ZFP64: variants seen among roughly 807,000 people sequenced by gnomAD.
The protein encoded by ZFP64 is ZFP64 zinc finger protein, also known as zinc finger protein 64.
ZFP64 carries 14 observed loss-of-function variants against 51.6 expected under a neutral mutation model. The observed-to-expected ratio is 0.27, with a 90% CI of 0.18 to 0.42. The LOEUF (loss-of-function observed/expected upper bound fraction) is 0.42. ZFP64 is among the 10% of genes least tolerant of loss of function. The pLI, the probability that ZFP64 is intolerant of heterozygous loss-of-function variation, is 1.00. For missense variants in ZFP64, 754 were observed against 906.8 expected, an observed-to-expected ratio of 0.83 and a Z score of 2.16; for synonymous variants, 375 against 361.4, an observed-to-expected ratio of 1.04 and a Z score of -0.43.
intron 5 of ZFP64, among the ~76,000 whole-genome samples, chr20:52,101,589 A>G (rs6013390): frequency 0.75 from 113,226 of 150,612 alleles, 42,546 homozygotes; most frequent in African/African-American, 0.8. Context: ...TTTTGTTTTT[A>G]TAGAGACAGG....
intron 5 of ZFP64, chr20:52,105,029 G>T: frequency 1.5e-6 from 2 of 1,318,126 alleles, no homozygotes; most frequent in Non-Finnish European, 2.0e-6. Context: ...CGCTTCGCCC[G>T]CCCTTTCAGG....
At chr20:52,098,078 CAGG>C (rs764512375) in intron 6 of ZFP64, among the ~76,000 whole-genome samples, 25 of 147,360 alleles carry the variant, frequency 1.7e-4, no homozygotes, top group Non-Finnish European at 3.1e-4. Flanking sequence ...GATGCTGAGG[CAGG>C]AGAATTGCTA....
At chr20:52,134,045 A>G (rs1979852959) in intron 5 of ZFP64, among the ~76,000 whole-genome samples, 1 of 151,610 alleles carries the variant, frequency 6.6e-6, no homozygotes, top group Non-Finnish European at 1.5e-5. Flanking sequence ...AAAAAAAAAA[A>G]AAAAAAAGGA....
At chr20:52,150,161 C>G (rs929197120), downstream of ZFP64, among the ~76,000 whole-genome samples, 1 of 149,430 alleles carries the variant, frequency 6.7e-6, no homozygotes, top group Non-Finnish European at 1.5e-5. Flanking sequence ...GCTGAGATTG[C>G]GCCACTGCAC....
chr20:52,090,056 G>T (rs963448292), intron 7 of ZFP64, among the ~76,000 whole-genome samples: 3 of 152,134 alleles, frequency 2.0e-5, no homozygotes, highest in Admixed American at 2.0e-4. Flanking sequence ...GGGAAAAGAC[G>T]CCAAAAGGTA....
intron 2 of ZFP64, among the ~76,000 whole-genome samples, chr20:52,166,749 T>C (rs1982310316): frequency 6.6e-6 from 1 of 152,156 alleles, no homozygotes; most frequent in South Asian, 2.1e-4. Context: ...CCTAGACTTC[T>C]TAAATAAACA....
intron 7 of ZFP64, chr20:52,097,263 A>G: frequency 7.7e-7 from 1 of 1,295,940 alleles, no homozygotes; most frequent in Non-Finnish European, 1.1e-6. Context: ...ACTGAGTTTC[A>G]TGAGGCAGAT....
In ZFP64 at chr20:52,084,602, G is replaced by A. The variant is rs201198421; in HGVS notation, c.1893C>T (p.Ser631=). The A allele has an allele frequency of 1.9e-4, 312 of 1,614,066 alleles. 2 individuals carry two copies. Among genetic ancestry groups the A allele is most frequent in the Non-Finnish European group, 8.5e-7 (1 of 1,180,030 alleles). The change falls in exon 9 of 9, where the codon TCC becomes TCT. Residue 631 remains serine (S), a synonymous_variant. Coordinates refer to the ZFP64 transcript ENST00000361387. ...CTAGGGGAGCCTCGAGCTGCCCCAC[G>A]GAGACCAGGGTGCTGAGCTGTCCCG...
intron 2 of ZFP64, chr20:52,175,846 CCCCGCACCCCCGCTGCCG>C: frequency 6.2e-6 from 1 of 160,198 alleles, no homozygotes; most frequent in Non-Finnish European, 1.3e-5. Context: ...GTTCCCTTCC[CCCCGCACCCCCGCTGCCG>C]CCCCCGCCCC....
chr20:52,187,882 G>A (rs1355005939), intron 1 of ZFP64, among the ~76,000 whole-genome samples: 2 of 152,076 alleles, frequency 1.3e-5, no homozygotes, highest in South Asian at 4.1e-4. Flanking sequence ...CAACTAAAAG[G>A]TAATTGTGAA....
chr20:52,140,150 T>C (rs956523847), intron 5 of ZFP64, among the ~76,000 whole-genome samples: 1 of 152,102 alleles, frequency 6.6e-6, no homozygotes, highest in Admixed American at 6.6e-5. Context: ...GTTCCCCATC[T>C]CTCTCCCTCT....
At chr20:52,112,823 C>T (rs1978664339) in intron 5 of ZFP64, among the ~76,000 whole-genome samples, 1 of 151,840 alleles carries the variant, frequency 6.6e-6, no homozygotes, top group South Asian at 2.1e-4. Flanking sequence ...CACCATGTTG[C>T]CCAGGCTGGT....
downstream of ZFP64, among the ~76,000 whole-genome samples, chr20:52,150,295 AT>A (rs1271829805): frequency 5.9e-5 from 9 of 151,646 alleles, no homozygotes; most frequent in Non-Finnish European, 2.9e-5. Context: ...AGTAACTTCT[AT>A]TTTTTTCCTA....
intron 2 of ZFP64, among the ~76,000 whole-genome samples, chr20:52,174,048 A>C (rs921163072): frequency 6.6e-6 from 1 of 152,112 alleles, no homozygotes; most frequent in African/African-American, 2.4e-5. Context: ...ATTTGGTTGG[A>C]GGAGTTAAGT....
intron 5 of ZFP64, among the ~76,000 whole-genome samples, chr20:52,126,045 C>A (rs1453618862): frequency 1.3e-5 from 2 of 152,012 alleles, no homozygotes; most frequent in Non-Finnish European, 2.9e-5. Context: ...GGATTACAGA[C>A]ACCTGCCACA....
intron 5 of ZFP64, among the ~76,000 whole-genome samples, chr20:52,132,376 T>C (rs193049199): frequency 4.1e-4 from 62 of 149,920 alleles, no homozygotes; most frequent in African/African-American, 1.2e-3. Flanking sequence ...AGAGCAGAAA[T>C]AGATGAAATT....
At chr20:52,087,526 C>T (rs1020706093) in intron 8 of ZFP64, among the ~76,000 whole-genome samples, 6 of 152,200 alleles carry the variant, frequency 3.9e-5, no homozygotes, top group Admixed American at 6.6e-5. Flanking sequence ...CTCTTACTTC[C>T]AGGATTAGTT....
In ZFP64 at chr20:52,186,884, G is replaced by A. The variant is rs1441903063; in HGVS notation, c.234C>T (p.Thr78=). ...TGGTTCTGGTGGTGGTCTGAGTCTG[G>A]GTGGCAGGCACTGTTTCCTCCGATA... ...QFVSEETVPA[T]QTQTTTRTIT... The change falls in exon 2 of 6, where the codon ACC becomes ACT. Residue 78 remains threonine, a synonymous_variant. Coordinates refer to ENST00000216923, the MANE Select transcript of ZFP64 (RefSeq NM_018197.3). 6.2e-7 allele frequency: 1 copy of A among 1,613,718 alleles called. No homozygotes were observed. Among genetic ancestry groups the A allele is most frequent in the Non-Finnish European group, 8.5e-7 (1 of 1,179,640 alleles).
chr20:52,093,560 T>TGG (rs1441946925), intron 7 of ZFP64, among the ~76,000 whole-genome samples: 3 of 152,256 alleles, frequency 2.0e-5, no homozygotes, highest in Non-Finnish European at 4.4e-5. Context: ...CCTTCAATTA[T>TGG]GGATGTAGGC....
Sources: allele counts gnomAD v4.1 joint callset (sites outside exome capture counted in the v4.1 genomes callset), GRCh38; gene constraint gnomAD v4.1.1; transcripts MANE v1.5; gene names NCBI Gene and HGNC (gene_info 2026-07-23, HGNC 2026-07-21).